The following PPEF2 variants were observed in gnomAD, a reference collection of about 807,000 sequenced individuals.
PPEF2 encodes the protein protein phosphatase with EF-hand domain 2, also known as serine/threonine-protein phosphatase with EF-hands 2.
In PPEF2, 84 loss-of-function variants were observed where a neutral mutation model predicts 84.7. That is an observed-to-expected ratio of 0.99 (90% CI 0.83 to 1.19). The LOEUF is 1.19. Among genes scored for constraint, PPEF2 ranks in the 50% most tolerant of loss-of-function variants. The pLI is 0.00. For synonymous variants in PPEF2, 346 were observed against 345.2 expected, an observed-to-expected ratio of 1.00 and a Z score of -0.03; for missense variants, 924 against 937.5, an observed-to-expected ratio of 0.99 and a Z score of 0.19.
intron 11 of PPEF2, among the ~76,000 whole-genome samples, chr4:75,873,583 T>C (rs1362198736): frequency 2.6e-5 from 4 of 152,236 alleles, no homozygotes; most frequent in South Asian, 4.1e-4. Context: ...GAAAGCTCAA[T>C]ATGTAAAACA....
Position 75,883,163 on chromosome 4 carries a change from C to T in PPEF2, c.783+3G>A. ...GAAACTTTTGTCTTTAAAGGCAGCG[C>T]ACCTTGTATTTATTCATCACTTCCT... is the stretch of plus-strand genomic sequence containing the variant. On this transcript the variant is annotated splice_donor_region_variant and intron_variant, in intron 9 of 16. Transcript: ENST00000286719. 1 of 1,613,818 alleles carries T rather than the reference C, an allele frequency of 6.2e-7. No homozygotes were observed. The highest frequency in any genetic ancestry group is 1.1e-5 in the South Asian group (1 of 91,074).
Position 75,896,256 on chromosome 4 carries a change from G to A in PPEF2, c.55+15C>T, listed in dbSNP as rs1201463023. 1 of 1,613,078 alleles carries A rather than the reference G, an allele frequency of 6.2e-7. No homozygotes were observed. The highest frequency in any genetic ancestry group is 1.3e-5 in the African/African-American group (1 of 74,898). ...GTGGTACCCACAGCTGGTTTGGAAA[G>A]TGGGAAACACGTACCTCTCTCTGCA... On this transcript the variant is annotated intron_variant, in intron 2 of 16. Transcript: ENST00000286719.
rs1723980122 is a variant in PPEF2, at chr4:75,860,804, CT to C, written c.2124del (p.Asp709MetfsTer58). 1 of 1,614,146 alleles carries C rather than the reference CT, an allele frequency of 6.2e-7. No individual in the cohort carries two copies. Among genetic ancestry groups the C allele is most frequent in the South Asian group, 1.1e-5 (1 of 91,092 alleles). ...CDLARSIDFN[K>X]DGHIDINEFL... ...AACTCATTGATATCAATGTGGCCAT[CT>C]TTGTTGAAATCAATGCTCCGAGCAA... On this transcript the variant is annotated frameshift_variant, in exon 17 of 17. Transcript: ENST00000286719. LOFTEE classifies it low-confidence loss of function (END_TRUNC).
At chr4:75,890,470 T>C (rs6820773) in intron 4 of PPEF2, among the ~76,000 whole-genome samples, 22,640 of 137,746 alleles carry the variant, frequency 0.16, 1,935 homozygotes, top group African/African-American at 0.19. Flanking sequence ...GCCTGAACGA[T>C]AGAGTGAGAC....
chr4:75,871,753 G>A (rs1724285960), intron 13 of PPEF2, among the ~76,000 whole-genome samples: 1 of 152,174 alleles, frequency 6.6e-6, no homozygotes, highest in Non-Finnish European at 1.5e-5. Flanking sequence ...TTACAGGCAT[G>A]AGCCACTGTG....
At chr4:75,888,103 T>C (rs1032998386) in intron 6 of PPEF2, 111 bp downstream of exon 6, 6 of 784,194 alleles carry the variant, frequency 7.7e-6, no homozygotes, top group African/African-American at 5.1e-5. Flanking sequence ...GGGGTTAAAT[T>C]TGGCTTATCA....
intron 6 of PPEF2, among the ~76,000 whole-genome samples, chr4:75,887,569 C>T (rs1186495134): frequency 1.3e-5 from 2 of 149,632 alleles, no homozygotes; most frequent in African/African-American, 2.5e-5. Flanking sequence ...TGCAGTGAGC[C>T]GAGATTGCAC....
At position 75,870,979 on chromosome 4, in the gene PPEF2, C is replaced by T. The variant is rs1056920928; in HGVS notation, c.1649+1046G>A. On this transcript the variant is annotated intron_variant, in intron 13 of 16. Transcript: ENST00000286719. ...TCGCCCAGGCTGGAGTGCAGTGGTG[C>T]GATCTCGGGTCACTGCAACCTCCAA... 1.4e-4 allele frequency among the ~76,000 whole-genome samples: 11 copies of T among 79,126 alleles called. 1 individual carries two copies. The highest frequency in any genetic ancestry group is 2.1e-4 in the Non-Finnish European group (9 of 42,400). The allele number at this position is 79,126 out of a possible 152,430, so 51.9% of individuals were successfully genotyped here.
intron 13 of PPEF2, among the ~76,000 whole-genome samples, chr4:75,868,363 C>T (rs6531992): frequency 0.88 from 127,825 of 145,574 alleles, 58,639 homozygotes; most frequent in Non-Finnish European, 1. Context: ...GGTAAGCATA[C>T]GTTACTTGTA....
intron 13 of PPEF2, among the ~76,000 whole-genome samples, chr4:75,871,671 A>C (rs1277706446): frequency 6.6e-6 from 1 of 152,096 alleles, no homozygotes; most frequent in African/African-American, 2.4e-5. Flanking sequence ...GGGTTTTGCC[A>C]TGTTGCCCAG....
At chr4:75,873,095 C>G (rs1219913455) in intron 12 of PPEF2, 32 bp downstream of exon 12, 2 of 1,586,494 alleles carry the variant, frequency 1.3e-6, no homozygotes, top group South Asian at 2.3e-5. Context: ...TGGTGACACA[C>G]AAGCCTGTAC....
Position 75,864,440 on chromosome 4 carries a change from C to A in PPEF2, c.2008G>T (p.Gly670Trp). The A allele has an allele frequency of 6.3e-7, 1 of 1,595,594 alleles. No individual in the cohort carries two copies. The highest frequency in any genetic ancestry group is 8.6e-7 in the Non-Finnish European group (1 of 1,163,364). The change falls in exon 16 of 17, where the codon GGG becomes TGG. Residue 670 changes from glycine (G) to tryptophan (W), a missense_variant and splice_region_variant. Gly to Trp is a radical substitution (Grantham distance 184). Coordinates refer to ENST00000286719, the MANE Select transcript of PPEF2 (RefSeq NM_006239.3). ...GTGATAGAATAATGAGTGCCTTTAC[C>A]TGAATGATCACTGTCTATGATCCTA... ...IFRIIDSDHS[G>W]FISLDEFRQT...
intron 2 of PPEF2, 76 bp downstream of exon 2, chr4:75,896,195 C>A: frequency 6.6e-7 from 1 of 1,517,906 alleles, no homozygotes; most frequent in South Asian, 1.1e-5. Flanking sequence ...CTTCTACCCT[C>A]AGAACCCCCA....
In PPEF2 at chr4:75,876,534, G is replaced by A. The variant is rs1412624278; in HGVS notation, c.1073C>T (p.Pro358Leu). The change falls in exon 11 of 17, where the codon CCC becomes CTC. Residue 358 changes from proline (P) to leucine (L), a missense_variant. Coordinates refer to ENST00000286719, the MANE Select transcript of PPEF2 (RefSeq NM_006239.3). ...GGCCTTGTAGGAGCCAAGCCGAAGG[G>A]GCGAAGAGGGAAGAGAGCGGCTTTC... ...LPESRSLPSS[P>L]LRLGSYKAQK... The A allele has an allele frequency of 6.2e-7, 1 of 1,614,144 alleles. No individual in the cohort carries two copies. Among genetic ancestry groups the A allele is most frequent in the Admixed American group, 1.7e-5 (1 of 60,012 alleles).
At chr4:75,876,242 C>T in intron 11 of PPEF2, 45 bp downstream of exon 11, 1 of 1,537,880 alleles carries the variant, frequency 6.5e-7, no homozygotes, top group Admixed American at 2.0e-5. Context: ...GAGTTTTGAC[C>T]TGTTGGCAGC....
At chr4:75,866,854 T>C (rs555020355) in intron 14 of PPEF2, among the ~76,000 whole-genome samples, 1 of 152,362 alleles carries the variant, frequency 6.6e-6, no homozygotes, top group Admixed American at 6.5e-5. Context: ...AATTCATAAA[T>C]GTTACTGCTG....
At chr4:75,874,300 TG>T (rs1414753594) in intron 11 of PPEF2, among the ~76,000 whole-genome samples, 22 of 151,606 alleles carry the variant, frequency 1.5e-4, no homozygotes, top group African/African-American at 5.1e-4. Context: ...TCTTTTCTTT[TG>T]TTTTTTTTTT....
At chr4:75,863,876 T>C (rs1403113035) in intron 16 of PPEF2, among the ~76,000 whole-genome samples, 3 of 143,420 alleles carry the variant, frequency 2.1e-5, no homozygotes, top group Non-Finnish European at 4.6e-5. Flanking sequence ...TTCTTTCTTC[T>C]TTTTTTTTTT....
At chr4:75,863,893 G>C (rs548161635) in intron 16 of PPEF2, among the ~76,000 whole-genome samples, 2 of 142,506 alleles carry the variant, frequency 1.4e-5, no homozygotes, top group African/African-American at 5.2e-5. Flanking sequence ...TTTTTTCCGC[G>C]ACAGAGTCTC....
Sources: allele counts gnomAD v4.1 joint callset (sites outside exome capture counted in the v4.1 genomes callset), GRCh38; gene constraint gnomAD v4.1.1; transcripts MANE v1.5; gene names NCBI Gene and HGNC (gene_info 2026-07-23, HGNC 2026-07-21).